Variants in SPINT1 observed in about 807,000 individuals in gnomAD.
The protein encoded by SPINT1 is kunitz-type protease inhibitor 1.
SPINT1 carries 38 observed loss-of-function variants against 53.7 expected under a neutral mutation model. The ratio of observed to expected loss-of-function variants is 0.71; its 90% CI spans 0.55 to 0.93. The LOEUF is 0.93. Among genes scored for constraint, SPINT1 ranks in the 40% least tolerant of loss-of-function variants. SPINT1 has a pLI of 0.00. For missense variants in SPINT1, 645 were observed against 692.9 expected (o/e 0.93, Z 0.78); for synonymous variants, 283 against 280.6 (o/e 1.01, Z -0.08).
In SPINT1 at chr15:40,857,340, C is replaced by T. The variant is rs763070335; in HGVS notation, c.*365C>T. The T allele has an allele frequency of 6.9e-5, 18 of 261,106 alleles. No individual in the cohort carries two copies. Among genetic ancestry groups the T allele is most frequent in the African/African-American group, 3.3e-4 (15 of 45,474 alleles). The allele number at this position is 261,106 out of a possible 1,614,324, so 16.2% of individuals were successfully genotyped here. ...CCTGGAGGCCCCAACCCTGTCCTCC[C>T]GAGCTCCTCTTCCATGCTGTGCGCC... On this transcript the variant is annotated 3_prime_UTR_variant, in exon 11 of 11. Coordinates refer to ENST00000562057, the MANE Select transcript of SPINT1 (RefSeq NM_003710.4).
At chr15:40,856,714 G>C in intron 10 of SPINT1, 56 bp from the exon 11 acceptor site, 2 of 1,606,738 alleles carry the variant, frequency 1.2e-6, no homozygotes, top group South Asian at 2.2e-5. Context: ...ATTGGGGGTG[G>C]GTGTCAGAAC....
chr15:40,855,723 C>G (rs60619762), intron 8 of SPINT1, 169 bp from the exon 9 acceptor site: 9,621 of 607,968 alleles, frequency 0.016, 530 homozygotes, highest in East Asian at 0.15. Flanking sequence ...CAGGGTTTGT[C>G]TTCCCTTTTC....
At position 40,845,003 on chromosome 15, in the gene SPINT1, GCCAGCTGCGGAC is replaced by G. The variant is rs1309982877; in HGVS notation, c.454_465del (p.Leu152_Gln155del). On this transcript the variant is annotated inframe_deletion, in exon 2 of 11. Coordinates refer to ENST00000562057, the MANE Select transcript of SPINT1 (RefSeq NM_003710.4). The stretch of plus-strand genomic sequence containing the variant: ...ACGAGGGAAGTGTACCGCTCCTACC[GCCAGCTGCGGAC>G]CCAGGGCTTTGGAGGTGAGGAGGGT... 1 of 1,610,822 alleles carries G rather than the reference GCCAGCTGCGGAC, an allele frequency of 6.2e-7. No homozygotes were observed.
At chr15:40,847,557 C>T (rs768111805) in intron 2 of SPINT1, among the ~76,000 whole-genome samples, 5 of 152,190 alleles carry the variant, frequency 3.3e-5, no homozygotes, top group Non-Finnish European at 7.3e-5. Flanking sequence ...CTCTCCTCCT[C>T]CCCAGTCCTA....
rs565651652 is a variant in SPINT1 at position 40,844,526 on chromosome 15, T to C, written c.-29T>C. 4 of 1,606,994 alleles carry C rather than the reference T, an allele frequency of 2.5e-6. No individual in the cohort carries two copies. The South Asian group carries it at 3.3e-5, about 13-fold the overall frequency. On this transcript the variant is annotated 5_prime_UTR_variant, in exon 2 of 11. Transcript: ENST00000562057. This position sits in a 1 kb window ranked among gnomAD's most constrained non-coding sequence, Gnocchi z 5.8. ...CCTCGGAACCCAGAGGCCCGCGCTC[T>C]GAAGGTGACCCCCCTGGGGAGGAAG...
At position 40,857,617 on chromosome 15, in the gene SPINT1, GC is replaced by G. The variant is rs1891692976; in HGVS notation, c.*645del. 4 of 152,384 alleles carry G rather than the reference GC, an allele frequency of 2.6e-5. No homozygotes were observed. The highest frequency in any genetic ancestry group is 2.6e-4 in the Admixed American group (4 of 15,296). The allele number at this position is 152,384 out of a possible 1,614,324, so 9.4% of individuals were successfully genotyped here. A position where few individuals can be genotyped will look rare whatever the true frequency, so the allele number is the denominator to read the frequency against. On this transcript the variant is annotated 3_prime_UTR_variant, in exon 11 of 11. Transcript: ENST00000562057. ...ACCCCCAAGGTTCTCCAACATCACA[GC>G]CCAGCCCGCCCACTGGGTAATAAAA...
intron 10 of SPINT1, 21 bp from the exon 11 acceptor site, chr15:40,856,749 T>A (rs773856522): frequency 6.2e-7 from 1 of 1,613,654 alleles, no homozygotes; most frequent in African/African-American, 1.3e-5. Flanking sequence ...GAGCCCCTTA[T>A]TCTACCCCTT....
chr15:40,853,623 A>G lies in SPINT1; in HGVS notation c.738A>G (p.Thr246=), dbSNP rs1362833804. 1 of 1,613,936 alleles carries G rather than the reference A, an allele frequency of 6.2e-7. No homozygotes were observed. The highest frequency in any genetic ancestry group is 8.5e-7 in the Non-Finnish European group (1 of 1,179,926). The part of the protein sequence containing the change: ...VTVTVLSTKQ[T]EDYCLASNKV... ...TCACTGTGCTGTCCACCAAGCAGAC[A>G]GAAGGTGAGGGAGGGGTGAGGAGCA... Residue 246 remains threonine (T), a synonymous_variant, in exon 4 of 11, where the codon ACA becomes ACG. Coordinates refer to ENST00000562057, the MANE Select transcript of SPINT1 (RefSeq NM_003710.4).
At chr15:40,853,657 A>G (rs1891531857) in intron 4 of SPINT1, 30 bp downstream of exon 4, 1 of 1,613,798 alleles carries the variant, frequency 6.2e-7, no homozygotes, top group Admixed American at 1.7e-5. Flanking sequence ...CAGCACCTGG[A>G]GCCCCCGCTG....
rs150337144 is a variant in SPINT1, at chr15:40,856,037, C to T, written c.1263C>T (p.Cys421=). Residue 421 remains cysteine (C), a synonymous_variant, in exon 9 of 11, where the codon TGC becomes TGT. Coordinates refer to ENST00000562057, the MANE Select transcript of SPINT1 (RefSeq NM_003710.4). ...ACAACTTTGAGGAAGAGCAGCAGTG[C>T]CTCGAGTCTTGTCGCGGCATCTCCA... The part of the protein sequence containing the change: ...NKNNFEEEQQ[C]LESCRGISKK... 881 of 1,614,020 alleles carry T rather than the reference C, an allele frequency of 5.5e-4. 1 individual carries two copies. Among genetic ancestry groups the T allele is most frequent in the Non-Finnish European group, 7.0e-4 (824 of 1,180,038 alleles).
At chr15:40,854,122 C>T in intron 6 of SPINT1, 36 bp downstream of exon 6, 1 of 1,525,076 alleles carries the variant, frequency 6.6e-7, no homozygotes, top group African/African-American at 1.4e-5. Flanking sequence ...CCCATCCCCA[C>T]CACATCTCTA....
At chr15:40,847,351 G>A (rs1891324991) in intron 2 of SPINT1, among the ~76,000 whole-genome samples, 1 of 152,238 alleles carries the variant, frequency 6.6e-6, no homozygotes, top group Non-Finnish European at 1.5e-5. Flanking sequence ...TAGGGTGGAT[G>A]AGGTGGGTTG....
chr15:40,846,631 G>A (rs915282342), intron 2 of SPINT1, among the ~76,000 whole-genome samples: 2 of 152,220 alleles, frequency 1.3e-5, no homozygotes, highest in African/African-American at 4.8e-5. Context: ...GTGGATAACA[G>A]AACCGGGGAT....
At position 40,855,927 on chromosome 15, in the gene SPINT1, A is replaced by C; in HGVS notation, c.1153A>C (p.Lys385Gln). The change falls in exon 9 of 11, where the codon AAG becomes CAG. Residue 385 changes from lysine to glutamine, a missense_variant. Transcript: ENST00000562057. Reference sequence around the variant, plus strand: ...GGACCTGCCAGACACAGGACTCTGCAAGGAGAGCATCCCGCGCTGGTACTA... The same window carrying C: ...GGACCTGCCAGACACAGGACTCTGCCAGGAGAGCATCCCGCGCTGGTACTA... ...CVDLPDTGLCKESIPRWYYNP... is the reference protein window; with the variant it reads ...CVDLPDTGLCQESIPRWYYNP... 2 of 1,614,216 alleles carry C rather than the reference A, an allele frequency of 1.2e-6. No individual in the cohort carries two copies. The highest frequency in any genetic ancestry group is 1.7e-6 in the Non-Finnish European group (2 of 1,180,030).
At position 40,852,627 on chromosome 15, in the gene SPINT1, C is replaced by CTGTGTGTGTG. The variant is rs3033553; in HGVS notation, c.476-471_476-462dup. Among the ~76,000 whole-genome samples, 1,270 of 143,482 alleles carry CTGTGTGTGTG rather than the reference C, an allele frequency of 8.9e-3. 20 individuals carry two copies. The highest frequency in any genetic ancestry group is 0.029 in the African/African-American group (1,150 of 39,426). 94.1% of individuals were successfully genotyped at this position (143,482 alleles called of 152,430 possible). A position where few individuals can be genotyped will look rare whatever the true frequency, so the allele number is the denominator to read the frequency against. On this transcript the variant is annotated intron_variant, in intron 2 of 10. Coordinates refer to ENST00000562057, the MANE Select transcript of SPINT1 (RefSeq NM_003710.4). ...TAAGCCTATCCCCTCAAGTAAGTGTCTGTGTGTGTGTGTGTGTGTGTGTGT... is the reference window on the plus strand; with the variant it reads ...TAAGCCTATCCCCTCAAGTAAGTGTCTGTGTGTGTGTGTGTGTGTGTGTGTGTGTGTGTGT...
rs766934158 is a variant in SPINT1 at position 40,856,009 on chromosome 15, A to G, written c.1235A>G (p.Lys412Arg). Residue 412 changes from lysine (K) to arginine (R), a missense_variant, in exon 9 of 11, where the codon AAG becomes AGG. Lys to Arg is a conservative substitution (Grantham distance 26). Coordinates refer to ENST00000562057, the MANE Select transcript of SPINT1 (RefSeq NM_003710.4). The part of the protein sequence containing the change: ...RFTYGGCYGN[K>R]NNFEEEQQCL... ...ACCTATGGTGGTTGTTACGGCAACA[A>G]GAACAACTTTGAGGAAGAGCAGCAG... The G allele has an allele frequency of 1.9e-6, 3 of 1,614,232 alleles. No homozygotes were observed. Among genetic ancestry groups the G allele is most frequent in the Non-Finnish European group, 1.7e-6 (2 of 1,180,042 alleles).
intron 2 of SPINT1, among the ~76,000 whole-genome samples, chr15:40,852,030 A>G (rs1166726891): frequency 6.6e-6 from 1 of 152,176 alleles, no homozygotes; most frequent in Non-Finnish European, 1.5e-5. Context: ...CAAAAACAAA[A>G]CAAAACAAAA....
At chr15:40,847,427 C>T (rs1891326717) in intron 2 of SPINT1, among the ~76,000 whole-genome samples, 2 of 152,314 alleles carry the variant, frequency 1.3e-5, no homozygotes, top group African/African-American at 4.8e-5. Flanking sequence ...TAGATAAATG[C>T]TCCCCAGAAT....
In SPINT1 at chr15:40,855,930, G is replaced by T; in HGVS notation, c.1156G>T (p.Glu386Ter). Residue 386 changes from glutamate to a stop codon, truncating the protein, a stop_gained, in exon 9 of 11, where the codon GAG becomes TAG. Coordinates refer to ENST00000562057, the MANE Select transcript of SPINT1 (RefSeq NM_003710.4). LOFTEE classifies it high-confidence loss of function. ...CCTGCCAGACACAGGACTCTGCAAG[G>T]AGAGCATCCCGCGCTGGTACTACAA... is the stretch of plus-strand genomic sequence containing the variant. The part of the protein sequence containing the change: ...VDLPDTGLCK[E>*]SIPRWYYNPF... 1 of 1,614,232 alleles carries T rather than the reference G, an allele frequency of 6.2e-7. No individual in the cohort carries two copies. Among genetic ancestry groups the T allele is most frequent in the Non-Finnish European group, 8.5e-7 (1 of 1,180,046 alleles).
Sources: allele counts gnomAD v4.1 joint callset (sites outside exome capture counted in the v4.1 genomes callset), GRCh38; gene constraint gnomAD v4.1.1; non-coding constraint Gnocchi (gnomAD v3.1); transcripts MANE v1.5; gene names NCBI Gene and HGNC (gene_info 2026-07-23, HGNC 2026-07-21).